Variants in PADI2 observed in about 807,000 individuals in gnomAD.
PADI2 encodes the protein peptidyl arginine deiminase 2.
PADI2 carries 70 observed loss-of-function variants against 81.1 expected under a neutral mutation model. The observed-to-expected ratio is 0.86, with a 90% CI of 0.71 to 1.05. The LOEUF is 1.05. Among genes scored for constraint, PADI2 ranks in the 50% least tolerant of loss-of-function variants. The probability of loss-of-function intolerance (pLI) is 0.00; values close to 1 mark genes in which losing one functional copy is unlikely to be tolerated. For missense variants in PADI2, 853 were observed against 889.9 expected, an observed-to-expected ratio of 0.96 and a Z score of 0.53; for synonymous variants, 338 against 358.0, an observed-to-expected ratio of 0.94 and a Z score of 0.63.
chr1:17,077,513 A>G (rs374564655), intron 11 of PADI2, among the ~76,000 whole-genome samples: 2 of 152,058 alleles, frequency 1.3e-5, no homozygotes, highest in African/African-American at 4.8e-5. Context: ...TATCGTTGCA[A>G]GTCCCTCCAT....
intron 1 of PADI2, among the ~76,000 whole-genome samples, chr1:17,110,961 C>T (rs1931558828): frequency 6.6e-6 from 1 of 151,826 alleles, no homozygotes; most frequent in Non-Finnish European, 1.5e-5. Context: ...CTTATATGGT[C>T]GTTCATTCAC....
chr1:17,096,165 C>T (rs2076607), intron 3 of PADI2, among the ~76,000 whole-genome samples, 195 bp from the exon 4 acceptor site: 94,003 of 152,080 alleles, frequency 0.62, 29,409 homozygotes, highest in African/African-American at 0.68. Context: ...CAGCAGACAC[C>T]GTGTGGACCT....
At chr1:17,092,318 G>A in intron 6 of PADI2, 90 bp downstream of exon 6, 2 of 1,104,542 alleles carry the variant, frequency 1.8e-6, no homozygotes, top group Non-Finnish European at 2.6e-6. Flanking sequence ...GTCTTCCCCA[G>A]GCACCTGCAC....
At chr1:17,087,492 G>GTTTGTTTA (rs1553182207) in intron 6 of PADI2, among the ~76,000 whole-genome samples, 4 of 148,202 alleles carry the variant, frequency 2.7e-5, no homozygotes, top group Non-Finnish European at 5.9e-5. Context: ...TTGTTTGTTT[G>GTTTGTTTA]TTTATTTATT....
intron 12 of PADI2, 27 bp from the exon 13 acceptor site, chr1:17,074,976 A>C (rs1010534394): frequency 2.0e-6 from 3 of 1,528,222 alleles, no homozygotes; most frequent in Non-Finnish European, 2.7e-6. Flanking sequence ...AGAGGGACAG[A>C]GTCAGCAGTG....
chr1:17,069,625 A>T (rs544751663), intron 15 of PADI2, among the ~76,000 whole-genome samples: 19 of 150,880 alleles, frequency 1.3e-4, no homozygotes, highest in Non-Finnish European at 2.2e-4. Flanking sequence ...CTGTGTGTGC[A>T]TGTGTGTATA....
chr1:17,100,048 G>GA (rs386366321), intron 3 of PADI2, among the ~76,000 whole-genome samples: 3 of 151,062 alleles, frequency 2.0e-5, no homozygotes, highest in South Asian at 4.2e-4. Context: ...TTGGGGTTGG[G>GA]GGGGGGCTTG....
chr1:17,088,777 C>A (rs995291694), intron 6 of PADI2, among the ~76,000 whole-genome samples: 1 of 151,740 alleles, frequency 6.6e-6, no homozygotes, highest in African/African-American at 2.4e-5. Context: ...CATGGTGGTG[C>A]GTGCCTGTAA....
intron 13 of PADI2, among the ~76,000 whole-genome samples, chr1:17,071,876 C>G (rs1230494834): frequency 6.6e-6 from 1 of 152,178 alleles, no homozygotes; most frequent in African/African-American, 2.4e-5. Flanking sequence ...AAGGGGACAC[C>G]CTTCCTGTTT....
intron 13 of PADI2, among the ~76,000 whole-genome samples, chr1:17,073,183 C>T (rs571429795): frequency 1.3e-5 from 2 of 152,102 alleles, no homozygotes; most frequent in East Asian, 3.9e-4. Flanking sequence ...TTTGGGAGGC[C>T]GAGGCGGGTG....
At chr1:17,102,242 A>G (rs1488557384) in intron 3 of PADI2, among the ~76,000 whole-genome samples, 1 of 152,240 alleles carries the variant, frequency 6.6e-6, no homozygotes, top group African/African-American at 2.4e-5. Context: ...ATGAAATAAA[A>G]TAGCATAAAA....
At position 17,103,018 on chromosome 1, in the gene PADI2, G is replaced by A. The variant is rs941701093; in HGVS notation, c.318C>T (p.Ile106=). The A allele has an allele frequency of 6.8e-6, 11 of 1,613,432 alleles. No individual in the cohort carries two copies. The highest frequency in any genetic ancestry group is 2.2e-5 in the South Asian group (2 of 90,936). The change falls in exon 3 of 16, where the codon ATC becomes ATT. Residue 106 remains isoleucine (I), a synonymous_variant. Coordinates refer to ENST00000375486, the MANE Select transcript of PADI2 (RefSeq NM_007365.3). ...NYYDEEGSIP[I]DQAGLFLTAI... Reference sequence around the variant, plus strand: ...CTGTGAGGAAGAGCCCCGCCTGGTCGATGGGAATGCTCCCTTCCTCGTCAT... The same window carrying A: ...CTGTGAGGAAGAGCCCCGCCTGGTCAATGGGAATGCTCCCTTCCTCGTCAT...
At position 17,087,492 on chromosome 1, in the gene PADI2, G is replaced by GTTTATTTA. The variant is rs138753770; in HGVS notation, c.656-801_656-794dup. 3.6e-3 allele frequency among the ~76,000 whole-genome samples: 532 copies of GTTTATTTA among 148,300 alleles called. 1 individual carries two copies. The highest frequency in any genetic ancestry group is 4.8e-3 in the African/African-American group (191 of 40,180). On this transcript the variant is annotated intron_variant, in intron 6 of 15. Coordinates refer to ENST00000375486, the MANE Select transcript of PADI2 (RefSeq NM_007365.3). ...ACAGTCTTTTTATGTTTGTTTGTTT[G>GTTTATTTA]TTTATTTATTTATTTATTTATTTTT...
chr1:17,069,190 C>T lies in PADI2; in HGVS notation c.1852G>A (p.Val618Met), dbSNP rs572228579. Residue 618 changes from valine (V) to methionine (M), a missense_variant, in exon 16 of 16, where the codon GTG becomes ATG. Physicochemically the swap from Val to Met is conservative, Grantham distance 21 (BLOSUM62 1). Coordinates refer to ENST00000375486, the MANE Select transcript of PADI2 (RefSeq NM_007365.3). ...CCCAGGGGCTCCAGGAGGCCACGCA[C>T]GTGCATCTCCAGGCAGCATTCCTCC... ...VEEECCLEMH[V>M]RGLLEPLGLE... The T allele has an allele frequency of 4.6e-5, 75 of 1,614,206 alleles. No individual in the cohort carries two copies. The African/African-American group carries it at 6.3e-4, about 13-fold the overall frequency.
At chr1:17,093,766 G>C (rs1338248705) in intron 4 of PADI2, 82 bp from the exon 5 acceptor site, 14 of 851,572 alleles carry the variant, frequency 1.6e-5, no homozygotes, top group Non-Finnish European at 2.5e-5. Flanking sequence ...ATAGCCCCAG[G>C]ATGAGGGTAA....
At chr1:17,099,116 G>A (rs945529000) in intron 3 of PADI2, among the ~76,000 whole-genome samples, 73 of 152,238 alleles carry the variant, frequency 4.8e-4, no homozygotes, top group Non-Finnish European at 5.6e-4. Flanking sequence ...TGAGAATGAA[G>A]ACACTGAAGC....
rs771887262 is a variant in PADI2 at position 17,074,845 on chromosome 1, T to C, written c.1549+11A>G. 6.3e-7 allele frequency: 1 copy of C among 1,581,366 alleles called. No homozygotes were observed. Among genetic ancestry groups the C allele is most frequent in the Non-Finnish European group, 8.7e-7 (1 of 1,152,734 alleles). On this transcript the variant is annotated intron_variant, in intron 13 of 15. Transcript: ENST00000375486. Reference sequence around the variant, plus strand: ...CTCGCCACTTCCTGTCAAGGCCCTGTGGCCACTCACCTTTGAACATGATGG... The same window carrying C: ...CTCGCCACTTCCTGTCAAGGCCCTGCGGCCACTCACCTTTGAACATGATGG...
intron 6 of PADI2, 115 bp downstream of exon 6, chr1:17,092,293 C>CA (rs1930723872): frequency 1.3e-6 from 1 of 798,466 alleles, no homozygotes; most frequent in Admixed American, 2.7e-5. Flanking sequence ...TACAATCACT[C>CA]AGAGACCAAT....
intron 10 of PADI2, among the ~76,000 whole-genome samples, chr1:17,081,261 C>T (rs977715857): frequency 2.0e-5 from 3 of 152,220 alleles, no homozygotes; most frequent in African/African-American, 4.8e-5. Context: ...TAATAATGGT[C>T]ATTATATCAG....
Sources: gnomAD v4.1 joint callset for allele counts (sites outside exome capture counted in the v4.1 genomes callset) on GRCh38, gnomAD v4.1.1 for gene constraint, MANE v1.5 for transcripts, NCBI Gene and HGNC (gene_info 2026-07-23, HGNC 2026-07-21) for gene names.